TTC21B: variants seen among roughly 807,000 people sequenced by gnomAD.
TTC21B encodes tetratricopeptide repeat protein 21B.
TTC21B carries 127 observed loss-of-function variants against 175.1 expected under a neutral mutation model. That is an observed-to-expected ratio of 0.73 (90% CI 0.63 to 0.84). The LOEUF is 0.84. Ranked by LOEUF, TTC21B falls within the 40% of genes least tolerant of loss-of-function variation. The pLI, the probability that TTC21B is intolerant of heterozygous loss-of-function variation, is 0.00. For missense variants in TTC21B, 1,561 were observed against 1,558.3 expected, an observed-to-expected ratio of 1.00 and a Z score of -0.03; for synonymous variants, 524 against 524.5, an observed-to-expected ratio of 1.00 and a Z score of 0.01.
Position 165,949,306 on chromosome 2 carries a change from G to C in TTC21B, c.262+88C>G. On this transcript the variant is annotated intron_variant, in intron 3 of 28. Transcript: ENST00000243344. ...CTACAGAAAATACATAATATAGTGT[G>C]ATCAGACTGAATGACTTGGTAACTG... The C allele has an allele frequency of 3.2e-6, 3 of 945,970 alleles. No homozygotes were observed. In the South Asian group the frequency reaches 3.9e-5, roughly 12 times the overall value. 58.6% of individuals were successfully genotyped at this position (945,970 alleles called of 1,614,324 possible).
At chr2:165,950,006 T>C (rs1687711128) in intron 1 of TTC21B, 2 of 238,650 alleles carry the variant, frequency 8.4e-6, no homozygotes, top group African/African-American at 4.6e-5. Context: ...CTTTCACCTT[T>C]TTTCCTTTGC....
At chr2:165,952,601 T>C (rs1283408119) in intron 1 of TTC21B, among the ~76,000 whole-genome samples, 1 of 152,206 alleles carries the variant, frequency 6.6e-6, no homozygotes, top group African/African-American at 2.4e-5. Flanking sequence ...TAAAGTGTTT[T>C]TATTAAAATG....
Position 165,941,130 on chromosome 2 carries a change from G to C in TTC21B, c.607C>G (p.Gln203Glu), listed in dbSNP as rs1454264526. 4 of 1,613,766 alleles carry C rather than the reference G, an allele frequency of 2.5e-6. No individual in the cohort carries two copies. In the African/African-American group the frequency reaches 5.3e-5, roughly 22 times the overall value. ...NYSGALETVNQIIVNFPSFLP... is the reference protein window; with the variant it reads ...NYSGALETVNEIIVNFPSFLP... ...AAGCTCGGAAAATTCACGATTATCT[G>C]GTTCACAGTCTCCAGGGCACCTGAA... The change falls in exon 6 of 29, where the codon CAG becomes GAG. Residue 203 changes from glutamine to glutamate, a missense_variant. Coordinates refer to ENST00000243344, the MANE Select transcript of TTC21B (RefSeq NM_024753.5).
chr2:165,880,846 A>C (rs760740399), intron 26 of TTC21B, 47 bp from the exon 27 acceptor site: 3 of 1,589,838 alleles, frequency 1.9e-6, no homozygotes, highest in Non-Finnish European at 1.7e-6. Context: ...GATATCACTA[A>C]GATTTTATGG....
At chr2:165,920,948 T>C (rs948517327) in intron 12 of TTC21B, among the ~76,000 whole-genome samples, 3 of 152,236 alleles carry the variant, frequency 2.0e-5, no homozygotes, top group South Asian at 2.1e-4. Flanking sequence ...TGTCTGTCTG[T>C]CTTTGTCAGA....
chr2:165,917,949 A>C (rs1054212330), intron 13 of TTC21B, among the ~76,000 whole-genome samples: 3 of 152,174 alleles, frequency 2.0e-5, no homozygotes, highest in Non-Finnish European at 4.4e-5. Context: ...CACTACTCCT[A>C]AATATGTAGT....
At chr2:165,938,271 C>T (rs1158070245) in intron 6 of TTC21B, among the ~76,000 whole-genome samples, 1 of 151,856 alleles carries the variant, frequency 6.6e-6, no homozygotes. Context: ...CTTATATGAA[C>T]CATACCACTC....
chr2:165,934,329 C>T (rs1025680126), intron 6 of TTC21B, among the ~76,000 whole-genome samples: 18 of 151,116 alleles, frequency 1.2e-4, no homozygotes, highest in Middle Eastern at 3.4e-3. Context: ...CGGAGAACTC[C>T]GTCTCTACTA....
chr2:165,948,657 T>C (rs1687663159), intron 3 of TTC21B: 1 of 152,258 alleles, frequency 6.6e-6, no homozygotes, highest in Admixed American at 6.5e-5. Context: ...ACATACAATT[T>C]GGATACTCTT....
At chr2:165,920,811 A>AAAATATTTTGAAATATTTTAAATATTTT (rs1559060469) in intron 12 of TTC21B, among the ~76,000 whole-genome samples, 1 of 152,090 alleles carries the variant, frequency 6.6e-6, no homozygotes, top group Non-Finnish European at 1.5e-5. Flanking sequence ...CTAAATATTT[A>AAAATATTTTGAAATATTTTAAATATTTT]AAAATGAGAA....
chr2:165,937,672 C>T (rs989489103), intron 6 of TTC21B, among the ~76,000 whole-genome samples: 1 of 151,264 alleles, frequency 6.6e-6, no homozygotes, highest in Non-Finnish European at 1.5e-5. Context: ...TATGAAATAC[C>T]CTCTTAAAGA....
chr2:165,881,291 AC>A (rs1684826687), intron 26 of TTC21B, among the ~76,000 whole-genome samples: 1 of 152,196 alleles, frequency 6.6e-6, no homozygotes, highest in East Asian at 1.9e-4. Flanking sequence ...TTTAAACAGA[AC>A]CACAATTTTA....
chr2:165,947,448 A>ATTAGCTTC (rs1331351392), intron 3 of TTC21B: 3 of 151,740 alleles, frequency 2.0e-5, no homozygotes, highest in Non-Finnish European at 2.9e-5. Flanking sequence ...AAGTCTACAG[A>ATTAGCTTC]TTGCTTAGCA....
chr2:165,938,163 C>T (rs1687229973), intron 6 of TTC21B, among the ~76,000 whole-genome samples: 1 of 151,736 alleles, frequency 6.6e-6, no homozygotes, highest in Non-Finnish European at 1.5e-5. Flanking sequence ...ACCTGAGCCA[C>T]TAATCAATTA....
chr2:165,915,069 G>C, intron 15 of TTC21B, 132 bp downstream of exon 15: 1 of 753,422 alleles, frequency 1.3e-6, no homozygotes, highest in South Asian at 1.6e-5. Context: ...GTGGTAGAAG[G>C]AATCAGGACC....
chr2:165,916,385 A>C (rs573714928), intron 14 of TTC21B, among the ~76,000 whole-genome samples: 176 of 152,338 alleles, frequency 1.2e-3, no homozygotes, highest in African/African-American at 4.0e-3. Context: ...ACCTAAAACA[A>C]CGGATACAAA....
intron 12 of TTC21B, among the ~76,000 whole-genome samples, chr2:165,921,224 G>A (rs1302908826): frequency 6.6e-6 from 1 of 152,106 alleles, no homozygotes; most frequent in East Asian, 1.9e-4. Flanking sequence ...GTGGGGGACT[G>A]GAGATTGAAT....
At chr2:165,916,900 G>T (rs1490898386) in intron 14 of TTC21B, among the ~76,000 whole-genome samples, 1 of 151,974 alleles carries the variant, frequency 6.6e-6, no homozygotes, top group Non-Finnish European at 1.5e-5. Flanking sequence ...TCTCTGAGAT[G>T]GAGTCTCATT....
chr2:165,901,924 G>T lies in TTC21B; in HGVS notation c.2569-14C>A. ...TAATTCTCGAGCCTAGAAAAAATCA[G>T]TATAAAAGGGAATAAAAAAAAAAAA... is the stretch of plus-strand genomic sequence containing the variant. On this transcript the variant is annotated splice_polypyrimidine_tract_variant and intron_variant, in intron 19 of 28. Coordinates refer to ENST00000243344, the MANE Select transcript of TTC21B (RefSeq NM_024753.5). 1 of 1,595,350 alleles carries T rather than the reference G, an allele frequency of 6.3e-7. No homozygotes were observed. The highest frequency in any genetic ancestry group is 8.6e-7 in the Non-Finnish European group (1 of 1,165,750).
Sources: allele counts gnomAD v4.1 joint callset (sites outside exome capture counted in the v4.1 genomes callset), GRCh38; gene constraint gnomAD v4.1.1; transcripts MANE v1.5; gene names NCBI Gene and HGNC (gene_info 2026-07-23, HGNC 2026-07-21).